Variants in ZNF804A observed in about 807,000 individuals in gnomAD.
ZNF804A encodes zinc finger protein 804A.
In ZNF804A, 2 loss-of-function variants were observed where a neutral mutation model predicts 16.5. The observed-to-expected ratio is 0.12, with a 90% CI of 0.05 to 0.38. The LOEUF (loss-of-function observed/expected upper bound fraction) is 0.38. ZNF804A is among the 10% of genes least tolerant of loss of function. The probability of loss-of-function intolerance (pLI) is 0.99; values close to 1 mark genes in which losing one functional copy is unlikely to be tolerated. For synonymous variants in ZNF804A, 534 were observed against 489.6 expected (o/e 1.09, Z -1.20); for missense variants, 1,473 against 1,390.7 (o/e 1.06, Z -0.94).
chr2:184,905,050 T>A (rs1337406806), intron 2 of ZNF804A, among the ~76,000 whole-genome samples: 1 of 151,828 alleles, frequency 6.6e-6, no homozygotes, highest in Non-Finnish European at 1.5e-5. Flanking sequence ...AAGGCACTAT[T>A]TCTATGTTGA....
chr2:184,933,835 C>T, intron 3 of ZNF804A, 102 bp downstream of exon 3: 1 of 1,176,170 alleles, frequency 8.5e-7, no homozygotes, highest in Non-Finnish European at 1.2e-6. Flanking sequence ...TTACTGTACC[C>T]AGAATAAGGC....
chr2:184,864,314 A>G (rs763819061), intron 1 of ZNF804A, among the ~76,000 whole-genome samples: 2 of 152,168 alleles, frequency 1.3e-5, no homozygotes, highest in Non-Finnish European at 1.5e-5. Flanking sequence ...TTAATATAGT[A>G]AGAACTTACC....
chr2:184,923,165 G>A (rs1411430260), intron 2 of ZNF804A, among the ~76,000 whole-genome samples: 2 of 151,814 alleles, frequency 1.3e-5, no homozygotes, highest in African/African-American at 2.4e-5. Flanking sequence ...AACAATATTG[G>A]TTCTTTCAAT....
intron 1 of ZNF804A, among the ~76,000 whole-genome samples, chr2:184,695,696 G>A (rs1438268564): frequency 6.6e-6 from 1 of 151,986 alleles, no homozygotes; most frequent in East Asian, 1.9e-4. Context: ...GGGATATCAA[G>A]CATGAGCTAC....
chr2:184,712,557 A>G (rs1000787137), intron 1 of ZNF804A, among the ~76,000 whole-genome samples: 1 of 151,570 alleles, frequency 6.6e-6, no homozygotes, highest in East Asian at 1.9e-4. Flanking sequence ...GTAAATCTCA[A>G]TGTCTATTTC....
At chr2:184,906,256 G>A (rs988299360) in intron 2 of ZNF804A, among the ~76,000 whole-genome samples, 2 of 152,032 alleles carry the variant, frequency 1.3e-5, no homozygotes, top group East Asian at 1.9e-4. Context: ...CAATATTCAA[G>A]CTTTTCTATC....
intron 1 of ZNF804A, among the ~76,000 whole-genome samples, chr2:184,796,425 T>C (rs1318118555): frequency 6.6e-6 from 1 of 152,118 alleles, no homozygotes; most frequent in Non-Finnish European, 1.5e-5. Context: ...TCTGTTCGGG[T>C]TATCCAGTTC....
At chr2:184,916,180 A>T (rs899969979) in intron 2 of ZNF804A, among the ~76,000 whole-genome samples, 1 of 152,150 alleles carries the variant, frequency 6.6e-6, no homozygotes, top group South Asian at 2.1e-4. Flanking sequence ...ACTCTCTGGA[A>T]TTCAAAGGAA....
chr2:184,727,619 A>G (rs1309335010), intron 1 of ZNF804A, among the ~76,000 whole-genome samples: 1 of 151,694 alleles, frequency 6.6e-6, no homozygotes, highest in Non-Finnish European at 1.5e-5. Context: ...TAAGATGATA[A>G]TATCCCAGAG....
chr2:184,795,038 C>A (rs531780186), intron 1 of ZNF804A, among the ~76,000 whole-genome samples: 4 of 152,228 alleles, frequency 2.6e-5, no homozygotes, highest in African/African-American at 9.6e-5. Flanking sequence ...AACCAAGAGA[C>A]AATGGATTTA....
intron 1 of ZNF804A, among the ~76,000 whole-genome samples, chr2:184,610,669 T>C (rs1255200011): frequency 2.0e-5 from 3 of 152,122 alleles, no homozygotes; most frequent in Non-Finnish European, 4.4e-5. Context: ...TTCAAAAGGT[T>C]ATGTTAGCAA....
At chr2:184,656,893 C>T (rs1267505486) in intron 1 of ZNF804A, among the ~76,000 whole-genome samples, 3 of 151,898 alleles carry the variant, frequency 2.0e-5, no homozygotes, top group Admixed American at 6.6e-5. Flanking sequence ...TTTTTGTTCT[C>T]GAGCTCTTTC....
At chr2:184,756,530 G>C (rs1257417659) in intron 1 of ZNF804A, among the ~76,000 whole-genome samples, 1 of 151,856 alleles carries the variant, frequency 6.6e-6, no homozygotes, top group Non-Finnish European at 1.5e-5. Flanking sequence ...TAAAAGCAAT[G>C]TTACTTTTCT....
chr2:184,745,142 A>G (rs541088502), intron 1 of ZNF804A, among the ~76,000 whole-genome samples: 2 of 151,952 alleles, frequency 1.3e-5, no homozygotes, highest in African/African-American at 4.8e-5. Context: ...ACCTATTTTT[A>G]CATGTATAGC....
chr2:184,673,356 C>G (rs1692368697), intron 1 of ZNF804A, among the ~76,000 whole-genome samples: 1 of 152,308 alleles, frequency 6.6e-6, no homozygotes, highest in African/African-American at 2.4e-5. Context: ...ATCCATATAG[C>G]TTTTGTCTTT....
At chr2:184,697,694 A>C (rs10186035) in intron 1 of ZNF804A, among the ~76,000 whole-genome samples, 33,470 of 151,942 alleles carry the variant, frequency 0.22, 5,797 homozygotes, top group African/African-American at 0.48. Flanking sequence ...ATGAGAAATT[A>C]TCACCATGAA....
At chr2:184,880,863 C>T (rs899487563) in intron 2 of ZNF804A, among the ~76,000 whole-genome samples, 4 of 152,064 alleles carry the variant, frequency 2.6e-5, no homozygotes, top group African/African-American at 9.7e-5. Context: ...CAGAAGCCCT[C>T]ATGGCCTTAT....
chr2:184,752,783 T>G (rs748309692), intron 1 of ZNF804A, among the ~76,000 whole-genome samples: 2 of 151,168 alleles, frequency 1.3e-5, no homozygotes, highest in Admixed American at 6.6e-5. Flanking sequence ...CAAAACATGA[T>G]CCAATTAAAA....
chr2:184,923,427 CA>C (rs1244551134), intron 2 of ZNF804A, among the ~76,000 whole-genome samples: 1 of 151,808 alleles, frequency 6.6e-6, no homozygotes, highest in Non-Finnish European at 1.5e-5. Flanking sequence ...ATTTGTTCAT[CA>C]GCTCTAAAAG....
Sources: allele counts gnomAD v4.1 joint callset (sites outside exome capture counted in the v4.1 genomes callset), GRCh38; gene constraint gnomAD v4.1.1; transcripts MANE v1.5; gene names NCBI Gene and HGNC (gene_info 2026-07-23, HGNC 2026-07-21).